The following CLSTN1 variants were observed in gnomAD, a reference collection of about 807,000 sequenced individuals.
CLSTN1 encodes calsyntenin-1.
Under a neutral mutation model 108.3 loss-of-function variants are expected in CLSTN1, and 28 were observed. That is an observed-to-expected ratio of 0.26 (90% confidence interval 0.19 to 0.35). The LOEUF is 0.35. CLSTN1 is among the 10% of genes least tolerant of loss of function. The pLI, the probability that CLSTN1 is intolerant of heterozygous loss-of-function variation, is 1.00. For synonymous variants in CLSTN1, 524 were observed against 534.9 expected (o/e 0.98, Z 0.28); for missense variants, 1,157 against 1,302.6 (o/e 0.89, Z 1.72).
At chr1:9,753,574 C>A (rs2101113858) in intron 4 of CLSTN1, among the ~76,000 whole-genome samples, 1 of 152,078 alleles carries the variant, frequency 6.6e-6, no homozygotes, top group South Asian at 2.1e-4. Context: ...TCAGTGCAAC[C>A]TCCACCTCCC....
intron 1 of CLSTN1, among the ~76,000 whole-genome samples, chr1:9,784,469 C>T (rs141406590): frequency 2.2e-4 from 33 of 152,320 alleles, no homozygotes; most frequent in African/African-American, 7.9e-4. Context: ...GATCTCACCA[C>T]TGCAGTCCAG....
chr1:9,764,106 A>AAGAG (rs772208381), intron 2 of CLSTN1, among the ~76,000 whole-genome samples: 2,144 of 120,794 alleles, frequency 0.018, 17 homozygotes, highest in Non-Finnish European at 0.024. Context: ...GGGAGAAAGA[A>AAGAG]AGAGAGAGAG....
At chr1:9,813,175 A>C (rs894994752) in intron 1 of CLSTN1, among the ~76,000 whole-genome samples, 7 of 151,918 alleles carry the variant, frequency 4.6e-5, no homozygotes, top group African/African-American at 1.7e-4. Flanking sequence ...ATAAACAAAA[A>C]GAAAAACCTG....
rs766406658 is a variant in CLSTN1, at chr1:9,733,382, G to A, written c.2427+19C>T. 6.2e-7 allele frequency: 1 copy of A among 1,614,092 alleles called. No homozygotes were observed. The highest frequency in any genetic ancestry group is 8.5e-7 in the Non-Finnish European group (1 of 1,179,958). ...TCACTGCTGCTATTGGCCCTGCTCAGTGGGAGCCTTGTACTCACCTCCACC... is the reference window on the plus strand; with the variant it reads ...TCACTGCTGCTATTGGCCCTGCTCAATGGGAGCCTTGTACTCACCTCCACC... On this transcript the variant is annotated intron_variant, in intron 16 of 18. Coordinates refer to ENST00000377298, the MANE Select transcript of CLSTN1 (RefSeq NM_001009566.3).
intron 11 of CLSTN1, among the ~76,000 whole-genome samples, chr1:9,737,265 G>A (rs1478018414): frequency 6.6e-6 from 1 of 152,068 alleles, no homozygotes; most frequent in African/African-American, 2.4e-5. Flanking sequence ...GGATGGGGGG[G>A]GAAGTCCCAT....
At chr1:9,809,127 C>T (rs563793214) in intron 1 of CLSTN1, among the ~76,000 whole-genome samples, 2 of 152,290 alleles carry the variant, frequency 1.3e-5, no homozygotes, top group South Asian at 4.1e-4. Flanking sequence ...TGCCCTTATT[C>T]TCTGCCAAGA....
At chr1:9,748,915 C>T (rs1165366113) in intron 7 of CLSTN1, among the ~76,000 whole-genome samples, 2 of 152,078 alleles carry the variant, frequency 1.3e-5, no homozygotes, top group East Asian at 3.9e-4. Context: ...ATCAGTGGTT[C>T]TTTTTTTAAA....
intron 13 of CLSTN1, 112 bp downstream of exon 13, chr1:9,735,355 G>T: frequency 1.3e-6 from 2 of 1,484,652 alleles, no homozygotes; most frequent in Non-Finnish European, 1.9e-6. Flanking sequence ...ACACTTTCTG[G>T]TTACACACGA....
Position 9,823,648 on chromosome 1 carries a change from G to A in CLSTN1, c.86C>T (p.Ala29Val), listed in dbSNP as rs940106219. The A allele has an allele frequency of 5.1e-6, 6 of 1,179,182 alleles. No homozygotes were observed. Among genetic ancestry groups the A allele is most frequent in the Non-Finnish European group, 4.2e-6 (4 of 952,702 alleles). The allele number at this position is 1,179,182 out of a possible 1,614,324, so 73.0% of individuals were successfully genotyped here. The change falls in exon 1 of 19, where the codon GCG (alanine) becomes GTG (valine). Residue 29 changes from alanine (A) to valine (V), a missense_variant. Ala to Val is a moderately conservative substitution (Grantham distance 64, BLOSUM62 0). Coordinates refer to ENST00000377298, the MANE Select transcript of CLSTN1 (RefSeq NM_001009566.3). The surrounding 1 kb of genome is among the most constrained non-coding windows in gnomAD (Gnocchi z 6.3). ...GLLCGGGVWAARVNKHKPWLE... is the reference protein window; with the variant it reads ...GLLCGGGVWAVRVNKHKPWLE... ...GGCCCAGCCCCGGGGCTTACCTCGC[G>A]CGGCCCAGACCCCGCCGCCGCACAG...
chr1:9,743,403 T>C (rs914900225), intron 9 of CLSTN1, among the ~76,000 whole-genome samples: 2 of 152,166 alleles, frequency 1.3e-5, no homozygotes, highest in African/African-American at 4.8e-5. Flanking sequence ...ACCTCATCTC[T>C]ACTAGAAATA....
Position 9,733,444 on chromosome 1 carries a change from G to C in CLSTN1, c.2384C>G (p.Ser795Ter). ...GCTGATGTAGCGGCCATTCAGCTCT[G>C]AGCAGATGAGCTTAAACTTCCGGTC... ...LLDRKFKLIC[S>*]ELNGRYISNE... is the part of the protein sequence containing the mutation. The change falls in exon 16 of 19, where the codon TCA (serine) becomes TGA (stop). Residue 795 changes from serine to a stop codon, truncating the protein, a stop_gained. Transcript: ENST00000377298. LOFTEE classifies it high-confidence loss of function. 6.2e-7 allele frequency: 1 copy of C among 1,614,202 alleles called. No homozygotes were observed. Among genetic ancestry groups the C allele is most frequent in the Non-Finnish European group, 8.5e-7 (1 of 1,180,042 alleles).
intron 2 of CLSTN1, among the ~76,000 whole-genome samples, chr1:9,772,227 C>G (rs1341347635): frequency 6.6e-6 from 1 of 151,306 alleles, no homozygotes; most frequent in African/African-American, 2.4e-5. Flanking sequence ...CCTTGTGACC[C>G]GCCCGCCTCG....
intron 10 of CLSTN1, among the ~76,000 whole-genome samples, chr1:9,739,753 T>C (rs941837366): frequency 6.6e-6 from 1 of 151,570 alleles, no homozygotes; most frequent in Non-Finnish European, 1.5e-5. Context: ...AATACACAGG[T>C]TTTTCTTTTT....
intron 1 of CLSTN1, among the ~76,000 whole-genome samples, chr1:9,820,467 C>A (rs571644381): frequency 6.6e-6 from 1 of 152,074 alleles, no homozygotes; most frequent in South Asian, 2.1e-4. Flanking sequence ...TGCAGTGAGA[C>A]AAGATCGCGC....
chr1:9,781,169 T>C, intron 1 of CLSTN1: 1 of 786,576 alleles, frequency 1.3e-6, no homozygotes, highest in South Asian at 1.4e-5. Flanking sequence ...CCCAGAAGCT[T>C]TATCATCAGT....
In CLSTN1 at chr1:9,741,340, C is replaced by T. The variant is rs974328321; in HGVS notation, c.1357-84G>A. On this transcript the variant is annotated intron_variant, in intron 9 of 18. Transcript: ENST00000377298. ...CCCATGGAAACCAAGTCACCCAACA[C>T]AAGGGTCTTCCTAGGAGGAAAAGGA... 1.2e-5 allele frequency: 16 copies of T among 1,321,988 alleles called. No individual in the cohort carries two copies. The Admixed American group carries it at 2.6e-4, about 22-fold the overall frequency. The allele number at this position is 1,321,988 out of a possible 1,614,324, so 81.9% of individuals were successfully genotyped here.
intron 1 of CLSTN1, among the ~76,000 whole-genome samples, chr1:9,811,174 T>C (rs1485460883): frequency 6.6e-6 from 1 of 152,162 alleles, no homozygotes; most frequent in Non-Finnish European, 1.5e-5. Context: ...AATGTCGTAG[T>C]TGTTATTAAA....
At position 9,730,506 on chromosome 1, in the gene CLSTN1, G is replaced by C. The variant is rs759672760; in HGVS notation, c.*2C>G. 4.4e-6 allele frequency: 7 copies of C among 1,602,256 alleles called. No homozygotes were observed. In the African/African-American group the frequency reaches 8.0e-5, roughly 18 times the overall value. Reference sequence around the variant, plus strand: ...AGAAACCGAGGTGGCCGGGGGCACGGGTCAGTAGCTGAGGGTGGAGTCATC... The same window carrying C: ...AGAAACCGAGGTGGCCGGGGGCACGCGTCAGTAGCTGAGGGTGGAGTCATC... On this transcript the variant is annotated 3_prime_UTR_variant, in exon 19 of 19. Coordinates refer to ENST00000377298, the MANE Select transcript of CLSTN1 (RefSeq NM_001009566.3). This position sits in a 1 kb window ranked among gnomAD's most constrained non-coding sequence, Gnocchi z 5.6.
In CLSTN1 at chr1:9,735,103, T is replaced by C. The variant is rs1650612822; in HGVS notation, c.1955A>G (p.Glu652Gly). 2 of 1,614,046 alleles carry C rather than the reference T, an allele frequency of 1.2e-6. No homozygotes were observed. Among genetic ancestry groups the C allele is most frequent in the African/African-American group, 2.7e-5 (2 of 74,924 alleles). Reference protein sequence around the residue: ...DGYVMVLQPEEPKISLSGVHH... With the variant: ...DGYVMVLQPEGPKISLSGVHH... The stretch of plus-strand genomic sequence containing the variant: ...GACGCCACTCAGGCTGATCTTGGGC[T>C]CCTCGGGCTGTAAAACCATCACGTA... The change falls in exon 14 of 19, where the codon GAG becomes GGG. Residue 652 changes from glutamate to glycine, a missense_variant. Glu to Gly is a moderately conservative substitution (Grantham distance 98). Transcript: ENST00000377298.
Sources: allele counts gnomAD v4.1 joint callset (sites outside exome capture counted in the v4.1 genomes callset), GRCh38; gene constraint gnomAD v4.1.1; non-coding constraint Gnocchi (gnomAD v3.1); transcripts MANE v1.5; gene names NCBI Gene and HGNC (gene_info 2026-07-23, HGNC 2026-07-21).